Variants in ATP2B3 observed in about 807,000 individuals in gnomAD.
The protein encoded by ATP2B3 is ATPase plasma membrane Ca2+ transporting 3, also known as plasma membrane calcium-transporting ATPase 3.
A neutral mutation model predicts 70.8 loss-of-function variants in ATP2B3; 12 were observed. The ratio of observed to expected loss-of-function variants is 0.17; its 90% CI spans 0.11 to 0.27. The LOEUF is 0.27. ATP2B3 is among the 10% of genes least tolerant of loss of function. The probability of loss-of-function intolerance (pLI) is 1.00; values close to 1 mark genes in which losing one functional copy is unlikely to be tolerated. For missense variants in ATP2B3, 858 were observed against 1,118.5 expected, an observed-to-expected ratio of 0.77 and a Z score of 3.32; for synonymous variants, 460 against 497.8, an observed-to-expected ratio of 0.92 and a Z score of 1.01.
chrX:153,539,439 G>C (rs1298190061), intron 3 of ATP2B3, among the ~76,000 whole-genome samples: 1 of 112,744 alleles, frequency 8.9e-6, no homozygotes, highest in African/African-American at 3.2e-5. Flanking sequence ...GCGGGCGGCA[G>C]CTTCTGTTCC....
At chrX:153,567,608 G>A (rs368398063) in intron 21 of ATP2B3, among the ~76,000 whole-genome samples, 2 of 112,887 alleles carry the variant, frequency 1.8e-5, no homozygotes, top group African/African-American at 6.4e-5. Context: ...TGTGTGTCTC[G>A]TGTCCTCTGT....
chrX:153,548,023 G>A (rs1360229187), intron 9 of ATP2B3, 24 bp downstream of exon 9: 4 of 1,182,694 alleles, frequency 3.4e-6, no homozygotes, highest in East Asian at 6.0e-5. Context: ...GAGGTGGTGG[G>A]CCCAGGCCAT....
At chrX:153,566,584 T>G (rs2090710469) in intron 21 of ATP2B3, among the ~76,000 whole-genome samples, 1 of 110,942 alleles carries the variant, frequency 9.0e-6, no homozygotes, top group African/African-American at 3.3e-5. Flanking sequence ...TTTGCTTGCC[T>G]TGGCTCAGCT....
chrX:153,539,502 C>A (rs782034058), intron 3 of ATP2B3, among the ~76,000 whole-genome samples: 4 of 113,441 alleles, frequency 3.5e-5, no homozygotes, highest in African/African-American at 1.3e-4. Flanking sequence ...GGTTAGCATG[C>A]GCCTGTTCTC....
chrX:153,579,938 G>C, intron 21 of ATP2B3, 40 bp from the exon 22 acceptor site: 1 of 1,127,179 alleles, frequency 8.9e-7, no homozygotes, highest in Non-Finnish European at 1.2e-6. Flanking sequence ...CTCCCTCCCT[G>C]CTCCCACCTC....
intron 21 of ATP2B3, among the ~76,000 whole-genome samples, chrX:153,566,742 C>A (rs1192067824): frequency 1.8e-5 from 2 of 110,903 alleles, no homozygotes; most frequent in Admixed American, 1.9e-4. Context: ...ACCCCTGCAC[C>A]CCCGGCTGCC....
chrX:153,570,516 C>G (rs2090771374), intron 21 of ATP2B3, among the ~76,000 whole-genome samples: 1 of 112,306 alleles, frequency 8.9e-6, no homozygotes, highest in Non-Finnish European at 1.9e-5. Flanking sequence ...TAGAAACTTC[C>G]AGAATTGCTC....
At chrX:153,564,578 C>T (rs782746737) in intron 20 of ATP2B3, among the ~76,000 whole-genome samples, 2 of 113,049 alleles carry the variant, frequency 1.8e-5, no homozygotes, top group African/African-American at 6.4e-5. Flanking sequence ...ATGGAGGATC[C>T]GCTTATCTCT....
chrX:153,574,248 G>C (rs1033082538), intron 21 of ATP2B3, among the ~76,000 whole-genome samples: 1 of 112,279 alleles, frequency 8.9e-6, no homozygotes, highest in African/African-American at 3.2e-5. Flanking sequence ...ACGCCTACAG[G>C]GGTTGTTTTG....
At chrX:153,519,826 G>A (rs1556997269) in intron 2 of ATP2B3, among the ~76,000 whole-genome samples, 1 of 112,405 alleles carries the variant, frequency 8.9e-6, no homozygotes, top group Non-Finnish European at 1.9e-5. Context: ...TGGAAGTGGG[G>A]CGGGCGTGGG....
Position 153,542,413 on chromosome X carries a change from G to T in ATP2B3, c.755G>T (p.Arg252Leu), listed in dbSNP as rs781943497. ...CTGACGGGCGAGTCTGACCACGTGC[G>T]CAAGTCAGCTGACAAAGATCCCATG... ...SSLTGESDHV[R>L]KSADKDPMLL... The change falls in exon 6 of 22, where the codon CGC becomes CTC. Residue 252 changes from arginine (R) to leucine (L), a missense_variant. Around this residue, in one of 5 missense-constraint regions of ATP2B3, gnomAD observed 278 missense variants for 366.2 expected, o/e 0.76. Transcript: ENST00000263519. 4.3e-5 allele frequency: 52 copies of T among 1,210,400 alleles called. No individual in the cohort carries two copies. Among genetic ancestry groups the T allele is most frequent in the Non-Finnish European group, 4.8e-5 (43 of 895,277 alleles).
chrX:153,559,398 G>A (rs1557015208), intron 17 of ATP2B3: 1 of 263,990 alleles, frequency 3.8e-6, no homozygotes. Context: ...CTGCCCCTGA[G>A]GTGCAGGAGA....
intron 21 of ATP2B3, among the ~76,000 whole-genome samples, chrX:153,576,562 C>T (rs2090859596): frequency 8.9e-6 from 1 of 112,002 alleles, no homozygotes. Context: ...GGGAGGCAGC[C>T]AGGGCAGAAG....
chrX:153,571,157 G>T (rs782726640), intron 21 of ATP2B3, among the ~76,000 whole-genome samples: 5 of 112,131 alleles, frequency 4.5e-5, no homozygotes, highest in Non-Finnish European at 9.4e-5. Context: ...AAAAGCAGTC[G>T]GCGCCTCCAG....
At chrX:153,569,852 C>A in intron 21 of ATP2B3, 1 of 999,905 alleles carries the variant, frequency 1.0e-6, no homozygotes. Context: ...TCTTGCATTC[C>A]GCTCACCGTG....
chrX:153,549,456 C>A, intron 10 of ATP2B3, 41 bp from the exon 11 acceptor site: 2 of 1,207,353 alleles, frequency 1.7e-6, no homozygotes, highest in Non-Finnish European at 2.2e-6. Context: ...TCCACCCCAA[C>A]AAGCACCTGG....
intron 17 of ATP2B3, 176 bp from the exon 18 acceptor site, chrX:153,559,553 C>T: frequency 2.2e-6 from 1 of 445,996 alleles, no homozygotes; most frequent in South Asian, 3.6e-5. Context: ...ACGTGACAGC[C>T]CAAAGAAAAC....
At chrX:153,533,344 C>G (rs1557002640) in intron 2 of ATP2B3, 1 of 112,050 alleles carries the variant, frequency 8.9e-6, no homozygotes, top group Non-Finnish European at 1.9e-5. Context: ...GAATGTTCCA[C>G]TTGAATTGTG....
At chrX:153,527,848 C>T (rs781816821) in intron 2 of ATP2B3, among the ~76,000 whole-genome samples, 1 of 112,609 alleles carries the variant, frequency 8.9e-6, no homozygotes, top group Admixed American at 9.3e-5. Context: ...GGGAGGGGAG[C>T]GTGTGGCGGG....
Sources: allele counts gnomAD v4.1 joint callset (sites outside exome capture counted in the v4.1 genomes callset), GRCh38; gene constraint gnomAD v4.1.1; regional missense constraint gnomAD v4.1.1; transcripts MANE v1.5; gene names NCBI Gene and HGNC (gene_info 2026-07-23, HGNC 2026-07-21).